Variants in TENM2 observed in about 807,000 individuals in gnomAD.
TENM2 encodes teneurin-2.
TENM2 carries 52 observed loss-of-function variants against 245.2 expected under a neutral mutation model. That is an observed-to-expected ratio of 0.21 (90% confidence interval 0.17 to 0.27). The LOEUF (loss-of-function observed/expected upper bound fraction) is 0.27, where lower values mean the gene tolerates loss of function less well. Among genes scored for constraint, TENM2 ranks in the 10% least tolerant of loss-of-function variants. The probability of loss-of-function intolerance (pLI) is 1.00; values close to 1 mark genes in which losing one functional copy is unlikely to be tolerated. For missense variants in TENM2, 3,046 were observed against 3,666.8 expected (o/e 0.83, Z 4.37); for synonymous variants, 1,363 against 1,438.9 (o/e 0.95, Z 1.19).
At chr5:167,984,697 G>A (rs12520988) in intron 4 of TENM2, among the ~76,000 whole-genome samples, 21,624 of 152,194 alleles carry the variant, frequency 0.14, 1,827 homozygotes, top group Admixed American at 0.25. Context: ...TGTAATGTGT[G>A]CATGTTATAT....
At chr5:167,135,063 C>A in the TENM2 span, among the ~76,000 whole-genome samples, 4 of 152,154 alleles carry the variant, frequency 2.6e-5, no homozygotes, top group Non-Finnish European at 4.4e-5. Flanking sequence ...GTCATCAGAG[C>A]TGTGCTGGGG....
At chr5:167,247,488 A>T in the TENM2 span, among the ~76,000 whole-genome samples, 1 of 152,166 alleles carries the variant, frequency 6.6e-6, no homozygotes, top group South Asian at 2.1e-4. Context: ...ACAATATCCC[A>T]GTCATCAAGA....
intron 6 of TENM2, among the ~76,000 whole-genome samples, chr5:168,057,428 G>A (rs1478076845): frequency 6.6e-6 from 1 of 152,016 alleles, no homozygotes; most frequent in Non-Finnish European, 1.5e-5. Context: ...TGCCATTTAA[G>A]ATATCTTTGG....
At position 167,336,914 on chromosome 5, in the gene TENM2, G is replaced by C. The variant is rs1186372715; in HGVS notation, c.227-38284G>C. Reference sequence around the variant, plus strand: ...GGGTGGATCATGAGGTCAGGAGATCGAGACCATCCTGGCTAACAAGGTGAA... The same window carrying C: ...GGGTGGATCATGAGGTCAGGAGATCCAGACCATCCTGGCTAACAAGGTGAA... On this transcript the variant is annotated intron_variant, in intron 1 of 28. Coordinates refer to ENST00000518659, the Ensembl canonical transcript of TENM2. Among the ~76,000 whole-genome samples the C allele has an allele frequency of 2.7e-5, 4 of 150,304 alleles. No individual in the cohort carries two copies. In the East Asian group the frequency reaches 7.8e-4, roughly 29 times the overall value.
At chr5:167,512,782 T>G (rs954311670) in intron 2 of TENM2, among the ~76,000 whole-genome samples, 1 of 152,210 alleles carries the variant, frequency 6.6e-6, no homozygotes, top group Non-Finnish European at 1.5e-5. Context: ...TTTTCCTATG[T>G]CTGAGCCTTT....
chr5:167,224,332 T>C, the TENM2 span, among the ~76,000 whole-genome samples: 647 of 152,236 alleles, frequency 4.2e-3, 6 homozygotes, highest in African/African-American at 0.014. Flanking sequence ...GGTCTGAATT[T>C]AAGTCTTTAA....
chr5:167,760,521 A>G (rs1286456514), intron 2 of TENM2, among the ~76,000 whole-genome samples: 1 of 152,046 alleles, frequency 6.6e-6, no homozygotes, highest in Non-Finnish European at 1.5e-5. Flanking sequence ...CCTTTATTAG[A>G]ATTTTTATTG....
At chr5:167,545,002 C>T (rs1370861483) in intron 2 of TENM2, among the ~76,000 whole-genome samples, 1 of 152,096 alleles carries the variant, frequency 6.6e-6, no homozygotes, top group African/African-American at 2.4e-5. Context: ...ATGGTTACTG[C>T]TCAGTGACCC....
intron 2 of TENM2, among the ~76,000 whole-genome samples, chr5:167,620,723 G>A (rs1431186324): frequency 6.6e-6 from 1 of 151,932 alleles, no homozygotes; most frequent in East Asian, 1.9e-4. Context: ...CTCCAGAGAA[G>A]CAATCTTGGG....
At chr5:167,404,495 A>AT in intron 2 of TENM2, among the ~76,000 whole-genome samples, 1 of 152,124 alleles carries the variant, frequency 6.6e-6, no homozygotes, top group East Asian at 1.9e-4. Context: ...GGTGTAGCCC[A>AT]CTGGGGAGAG....
At chr5:168,105,456 G>A (rs369797083) in intron 9 of TENM2, among the ~76,000 whole-genome samples, 3 of 152,152 alleles carry the variant, frequency 2.0e-5, no homozygotes, top group Admixed American at 1.3e-4. Context: ...GGCAGAGGCC[G>A]GCCTTATCAC....
chr5:167,331,838 C>T (rs1245453638), intron 1 of TENM2, among the ~76,000 whole-genome samples: 1 of 152,134 alleles, frequency 6.6e-6, no homozygotes. Flanking sequence ...GAAAACAACT[C>T]TGAGTGCATT....
chr5:168,204,436 C>T, exon 19 of TENM2: 1 of 1,614,026 alleles, frequency 6.2e-7, no homozygotes. Flanking sequence ...TCATCACCAG[C>T]ATCATGGGCA....
intron 5 of TENM2, among the ~76,000 whole-genome samples, chr5:168,000,667 T>C (rs1219401333): frequency 6.6e-6 from 1 of 152,182 alleles, no homozygotes; most frequent in Non-Finnish European, 1.5e-5. Context: ...AACTATGCCA[T>C]GATTTCTTAG....
chr5:168,159,308 A>G (rs1757533010), intron 12 of TENM2, among the ~76,000 whole-genome samples: 1 of 152,156 alleles, frequency 6.6e-6, no homozygotes, highest in Admixed American at 6.5e-5. Flanking sequence ...TAAAAGAGGA[A>G]CCAAATGGGT....
chr5:167,643,944 AAATT>A (rs1436543226), intron 2 of TENM2, among the ~76,000 whole-genome samples: 3 of 152,216 alleles, frequency 2.0e-5, no homozygotes, highest in African/African-American at 7.2e-5. Context: ...ATTTGGAAGT[AAATT>A]AATTCAGTAT....
At chr5:167,600,599 G>A (rs1311814396) in intron 2 of TENM2, among the ~76,000 whole-genome samples, 1 of 152,192 alleles carries the variant, frequency 6.6e-6, no homozygotes, top group Non-Finnish European at 1.5e-5. Context: ...GGACTGATGA[G>A]TTGGTTATAA....
chr5:167,730,887 G>A (rs1202263720), intron 2 of TENM2, among the ~76,000 whole-genome samples: 1 of 152,080 alleles, frequency 6.6e-6, no homozygotes, highest in South Asian at 2.1e-4. Flanking sequence ...GATAATAAGC[G>A]TACCAATATA....
Position 168,195,304 on chromosome 5 carries a change from C to A in TENM2, c.2900+9C>A, listed in dbSNP as rs1355871360. On this transcript the variant is annotated intron_variant, in intron 15 of 28. Coordinates refer to ENST00000518659, the Ensembl canonical transcript of TENM2. ...ACCCGCCAGGATGGCACGTGAGTAG[C>A]TTTGTGGGGCTCGGACCTACTCAGG... The A allele has an allele frequency of 6.4e-7, 1 of 1,573,968 alleles. No homozygotes were observed. The highest frequency in any genetic ancestry group is 1.2e-5 in the South Asian group (1 of 86,138).
Sources: gnomAD v4.1 joint callset for allele counts (sites outside exome capture counted in the v4.1 genomes callset) on GRCh38, gnomAD v4.1.1 for gene constraint, MANE v1.5 for transcripts, NCBI Gene and HGNC (gene_info 2026-07-23, HGNC 2026-07-21) for gene names.